RCSD1: variants seen among roughly 807,000 people sequenced by gnomAD.
RCSD1 encodes the protein capZ-interacting protein.
Under a neutral mutation model 42.5 loss-of-function variants are expected in RCSD1, and 26 were observed. The ratio of observed to expected loss-of-function variants is 0.61; its 90% CI spans 0.45 to 0.85. RCSD1 has a LOEUF of 0.85. RCSD1 is among the 40% of genes least tolerant of loss of function. The pLI, the probability that RCSD1 is intolerant of heterozygous loss-of-function variation, is 0.00. For synonymous variants in RCSD1, 220 were observed against 212.2 expected (o/e 1.04, Z -0.32); for missense variants, 571 against 528.3 (o/e 1.08, Z -0.79).
chr1:167,700,236 G>A (rs186403817), intron 6 of RCSD1, among the ~76,000 whole-genome samples: 14 of 152,262 alleles, frequency 9.2e-5, no homozygotes, highest in South Asian at 4.1e-4. Flanking sequence ...GGGCCCTCAC[G>A]TTATTCTCAC....
chr1:167,654,559 AG>A (rs1658380678), intron 1 of RCSD1, among the ~76,000 whole-genome samples: 1 of 152,194 alleles, frequency 6.6e-6, no homozygotes. Flanking sequence ...GTGCTGTGTT[AG>A]CCTCCATAGT....
chr1:167,652,125 G>A (rs374576528), intron 1 of RCSD1, among the ~76,000 whole-genome samples: 6 of 149,270 alleles, frequency 4.0e-5, no homozygotes, highest in East Asian at 2.0e-4. Flanking sequence ...GGGTTCAAGC[G>A]ATTCTCCTGC....
Position 167,697,810 on chromosome 1 carries a change from G to T in RCSD1, c.1186G>T (p.Val396Phe). ...TGCCCAGCTGGAGACCAGCAGTGAG[G>T]TCCAGAGCGAGCCAGCAGTCCCCAA... Reference protein sequence around the residue: ...GPAQLETSSEVQSEPAVPKPE... With the variant: ...GPAQLETSSEFQSEPAVPKPE... The change falls in exon 6 of 7, where the codon GTC (valine) becomes TTC (phenylalanine). Residue 396 changes from valine (V) to phenylalanine (F), a missense_variant. Transcript: ENST00000367854. The T allele has an allele frequency of 1.4e-6, 2 of 1,469,858 alleles. No homozygotes were observed. The highest frequency in any genetic ancestry group is 2.4e-5 in the East Asian group (1 of 41,578). 91.1% of individuals were successfully genotyped at this position (1,469,858 alleles called of 1,614,324 possible).
At chr1:167,654,601 C>T (rs995819302) in intron 1 of RCSD1, among the ~76,000 whole-genome samples, 4 of 152,210 alleles carry the variant, frequency 2.6e-5, no homozygotes, top group African/African-American at 9.6e-5. Context: ...TTGACAGGGG[C>T]CTTATATTCT....
Position 167,659,562 on chromosome 1 carries a change from C to G in RCSD1, c.7-24338C>G, listed in dbSNP as rs532970077. ...TAATCTCAATTTGCCTTCAGAATGC[C>G]ATGAACTGCAGAGCCAGGCGTGGGA... On this transcript the variant is annotated intron_variant, in intron 1 of 6. Coordinates refer to ENST00000367854, the MANE Select transcript of RCSD1 (RefSeq NM_052862.4). Among the ~76,000 whole-genome samples, 7 of 152,270 alleles carry G rather than the reference C, an allele frequency of 4.6e-5. No homozygotes were observed. The East Asian group carries it at 1.2e-3, about 25-fold the overall frequency.
intron 1 of RCSD1, among the ~76,000 whole-genome samples, chr1:167,649,427 C>T (rs1658247989): frequency 6.6e-6 from 1 of 152,192 alleles, no homozygotes; most frequent in Non-Finnish European, 1.5e-5. Flanking sequence ...GCATACTTTT[C>T]GCCTAAAACG....
At chr1:167,658,020 T>C (rs191463485) in intron 1 of RCSD1, among the ~76,000 whole-genome samples, 22 of 152,180 alleles carry the variant, frequency 1.4e-4, no homozygotes, top group African/African-American at 5.1e-4. Flanking sequence ...CTCAAGCTCC[T>C]GAGCTCAAGT....
At position 167,707,242 on chromosome 1, in the gene RCSD1, T is replaced by C. The variant is rs1443531839; in HGVS notation, c.*2546T>C. Among the ~76,000 whole-genome samples, 1 of 152,250 alleles carries C rather than the reference T, an allele frequency of 6.6e-6. No homozygotes were observed. Among genetic ancestry groups the C allele is most frequent in the Non-Finnish European group, 1.5e-5 (1 of 68,052 alleles). ...GATCACCCTGAACAATGCCCAGTTT[T>C]TCATGCAGGTTTTGTCCTATGACCA... is the stretch of plus-strand genomic sequence containing the variant. On this transcript the variant is annotated 3_prime_UTR_variant, in exon 7 of 7. Transcript: ENST00000367854.
At chr1:167,650,129 C>T (rs2102205921) in intron 1 of RCSD1, among the ~76,000 whole-genome samples, 1 of 152,236 alleles carries the variant, frequency 6.6e-6, no homozygotes, top group East Asian at 1.9e-4. Flanking sequence ...CCCTGCCTGG[C>T]TTATTGGGAG....
At chr1:167,669,987 ACACACG>A (rs10527489) in intron 1 of RCSD1, among the ~76,000 whole-genome samples, 114,861 of 151,490 alleles carry the variant, frequency 0.76, 44,356 homozygotes, top group African/African-American at 0.91. Context: ...ACCTCAGGAC[ACACACG>A]CACACGCACA....
rs1571680395 is a variant in RCSD1, at chr1:167,653,950, T to C, written c.6+23521T>C. Among the ~76,000 whole-genome samples the C allele has an allele frequency of 2.0e-5, 3 of 152,154 alleles. No homozygotes were observed. The South Asian group carries it at 6.2e-4, about 32-fold the overall frequency. ...TGGTGGGAAGAGCAGGGGCCTGGAA[T>C]TGGACTGCCAGGGTTGAAACCCCAG... On this transcript the variant is annotated intron_variant, in intron 1 of 6. Coordinates refer to ENST00000367854, the MANE Select transcript of RCSD1 (RefSeq NM_052862.4).
chr1:167,637,862 C>T (rs1657901262), intron 1 of RCSD1, among the ~76,000 whole-genome samples: 1 of 152,202 alleles, frequency 6.6e-6, no homozygotes, highest in African/African-American at 2.4e-5. Context: ...CAGCGTTTCT[C>T]CTGCTTGCCC....
At chr1:167,657,920 CG>C in intron 1 of RCSD1, among the ~76,000 whole-genome samples, 1 of 151,846 alleles carries the variant, frequency 6.6e-6, no homozygotes, top group East Asian at 1.9e-4. Context: ...CACACATGCA[CG>C]TTTTATTTTT....
At chr1:167,678,672 G>A (rs1315030335) in intron 1 of RCSD1, among the ~76,000 whole-genome samples, 1 of 152,246 alleles carries the variant, frequency 6.6e-6, no homozygotes, top group East Asian at 1.9e-4. Context: ...GCGCGACTCA[G>A]GTCACGTCCC....
chr1:167,675,818 G>C (rs1658938141), intron 1 of RCSD1, among the ~76,000 whole-genome samples: 1 of 152,172 alleles, frequency 6.6e-6, no homozygotes, highest in Non-Finnish European at 1.5e-5. Flanking sequence ...GCTGAGTCCA[G>C]ATGGTCCATT....
chr1:167,651,874 C>A (rs546048857), intron 1 of RCSD1, among the ~76,000 whole-genome samples: 4 of 152,144 alleles, frequency 2.6e-5, no homozygotes, highest in Non-Finnish European at 4.4e-5. Flanking sequence ...TCCCTGACCT[C>A]CACTCTTATC....
intron 1 of RCSD1, chr1:167,641,874 C>CTAG (rs1204619992): frequency 6.6e-6 from 1 of 152,190 alleles, no homozygotes. Context: ...ACAGGACAGG[C>CTAG]TAGTGTTGCT....
At chr1:167,704,171 G>C (rs916119844) in intron 6 of RCSD1, among the ~76,000 whole-genome samples, 2 of 152,076 alleles carry the variant, frequency 1.3e-5, no homozygotes, top group Non-Finnish European at 2.9e-5. Context: ...CTCAAGTATT[G>C]GTCTTTTATT....
intron 1 of RCSD1, among the ~76,000 whole-genome samples, chr1:167,643,435 T>A (rs1170979563): frequency 1.3e-5 from 2 of 152,254 alleles, no homozygotes; most frequent in Non-Finnish European, 2.9e-5. Context: ...ACTTTACACT[T>A]CTACCACACT....
Sources: allele counts gnomAD v4.1 joint callset (sites outside exome capture counted in the v4.1 genomes callset), GRCh38; gene constraint gnomAD v4.1.1; transcripts MANE v1.5; gene names NCBI Gene and HGNC (gene_info 2026-07-23, HGNC 2026-07-21).